The following EP300 variants were observed in gnomAD, a reference collection of about 807,000 sequenced individuals.
EP300 encodes histone acetyltransferase p300.
Under a neutral mutation model 264.0 loss-of-function variants are expected in EP300, and 31 were observed. That is an observed-to-expected ratio of 0.12 (90% CI 0.09 to 0.16). The LOEUF (loss-of-function observed/expected upper bound fraction) is 0.16. Among genes scored for constraint, EP300 ranks in the 10% least tolerant of loss-of-function variants. The probability of loss-of-function intolerance (pLI) is 1.00; values close to 1 mark genes in which losing one functional copy is unlikely to be tolerated. For synonymous variants in EP300, 1,340 were observed against 1,045.4 expected (o/e 1.28, Z -5.44); for missense variants, 2,766 against 3,052.9 (o/e 0.91, Z 2.21).
chr22:41,171,931 A>G (rs1346087285), intron 27 of EP300, among the ~76,000 whole-genome samples: 1 of 152,184 alleles, frequency 6.6e-6, no homozygotes, highest in African/African-American at 2.4e-5. Context: ...ATTCTTAATT[A>G]ACAGTATTAT....
intron 26 of EP300, 149 bp from the exon 27 acceptor site, chr22:41,170,257 A>G (rs1426507335): frequency 5.6e-6 from 4 of 712,034 alleles, no homozygotes; most frequent in African/African-American, 1.8e-5. Flanking sequence ...TGGCCTCACA[A>G]TGTTAATCTC....
chr22:41,127,715 A>G lies in EP300; in HGVS notation c.1135A>G (p.Met379Val). The change falls in exon 4 of 31, where the codon ATG becomes GTG. Residue 379 changes from methionine (M) to valine (V), a missense_variant. By Grantham distance (21) the Met-to-Val change is conservative (BLOSUM62 1). Transcript: ENST00000263253. ...CRTMKNVLNH[M>V]THCQSGKSCQ... is the part of the protein sequence containing the mutation. ...CACAATGAAGAATGTCCTAAACCAC[A>G]TGACACACTGCCAGTCAGGCAAGTC... The G allele has an allele frequency of 6.2e-7, 1 of 1,614,232 alleles. No individual in the cohort carries two copies.
chr22:41,177,275 C>T lies in EP300; in HGVS notation c.5564C>T (p.Pro1855Leu), dbSNP rs201644988. Residue 1855 changes from proline (P) to leucine (L), a missense_variant, in exon 31 of 31, where the codon CCA becomes CTA. Physicochemically the swap from Pro to Leu is moderately conservative, Grantham distance 98. Transcript: ENST00000263253. Reference sequence around the variant, plus strand: ...CTCCCTTCCCCCACTCCTGCCACTCCAACGACACCAACTGGCCAACAGCCA... The same window carrying T: ...CTCCCTTCCCCCACTCCTGCCACTCTAACGACACCAACTGGCCAACAGCCA... ...QGLPSPTPAT[P>L]TTPTGQQPTT... The T allele has an allele frequency of 6.2e-7, 1 of 1,614,100 alleles. No homozygotes were observed.
At chr22:41,158,578 A>G in intron 19 of EP300, 78 bp downstream of exon 19, 2 of 1,117,548 alleles carry the variant, frequency 1.8e-6, no homozygotes, top group Non-Finnish European at 2.7e-6. Context: ...CAGCACACAT[A>G]CAGTCATGGT....
At position 41,178,932 on chromosome 22, in the gene EP300, A is replaced by T. The variant is rs964396023; in HGVS notation, c.7221A>T (p.Ser2407=). Residue 2407 remains serine (S), a synonymous_variant, in exon 31 of 31, where the codon TCA becomes TCT. Transcript: ENST00000263253. ...TDNSDLNSNL[S]QSTLDIH ...ACTCAGACTTGAATTCAAACCTCTC[A>T]CAGAGTACACTAGACATACACTAGA... 6 of 1,613,998 alleles carry T rather than the reference A, an allele frequency of 3.7e-6. No homozygotes were observed. The highest frequency in any genetic ancestry group is 4.2e-6 in the Non-Finnish European group (5 of 1,179,958).
intron 25 of EP300, 106 bp downstream of exon 25, chr22:41,168,973 G>A: frequency 6.6e-7 from 1 of 1,517,550 alleles, no homozygotes; most frequent in South Asian, 1.1e-5. Context: ...GTTTGGTTTG[G>A]AAATGCAAAA....
At position 41,146,801 on chromosome 22, in the gene EP300, A is replaced by G. The variant is rs367905602; in HGVS notation, c.2116A>G (p.Ile706Val). 3.1e-6 allele frequency: 5 copies of G among 1,614,050 alleles called. No homozygotes were observed. The highest frequency in any genetic ancestry group is 4.2e-6 in the Non-Finnish European group (5 of 1,180,016). ...GSVPNQMMPR[I>V]TPQSGLNQFG... ...TGTGCCAAACCAGATGATGCCTCGA[A>G]TAACTCCACAATCTGGTAAATAGTG... Residue 706 changes from isoleucine (I) to valine (V), a missense_variant, in exon 11 of 31, where the codon ATA (isoleucine) becomes GTA (valine). Coordinates refer to ENST00000263253, the MANE Select transcript of EP300 (RefSeq NM_001429.4).
chr22:41,176,739 G>T (rs2059202885), intron 30 of EP300, 34 bp from the exon 31 acceptor site: 8 of 1,613,478 alleles, frequency 5.0e-6, no homozygotes, highest in Non-Finnish European at 8.5e-7. Flanking sequence ...TTAAATCTTG[G>T]AGAGTTTACG....
rs587778256 is a variant in EP300 at position 41,178,336 on chromosome 22, AACCAGTTCCAGC to A, written c.6627_6638del (p.Asn2209_Gln2213delinsLys). On this transcript the variant is annotated inframe_deletion, in exon 31 of 31. Coordinates refer to ENST00000263253, the MANE Select transcript of EP300 (RefSeq NM_001429.4). ...AATAGGCCCTGGAATGGCCAACCAT[AACCAGTTCCAGC>A]AACCCCAAGGAGTTGGCTACCCACC... 3,000 of 1,614,128 alleles carry A rather than the reference AACCAGTTCCAGC, an allele frequency of 1.9e-3. 5 individuals carry two copies. Among genetic ancestry groups the A allele is most frequent in the Non-Finnish European group, 2.2e-3 (2,643 of 1,179,996 alleles).
At chr22:41,129,800 T>C in intron 4 of EP300, 90 bp from the exon 5 acceptor site, 14 of 923,446 alleles carry the variant, frequency 1.5e-5, no homozygotes, top group Non-Finnish European at 2.3e-5. Context: ...TTAATGCATT[T>C]ATGTTACTTA....
chr22:41,154,872 G>T (rs1460040224), intron 16 of EP300, 123 bp from the exon 17 acceptor site: 3 of 722,550 alleles, frequency 4.2e-6, no homozygotes, highest in Non-Finnish European at 7.4e-6. Context: ...TATTTCCATG[G>T]GGACAGAGTG....
Position 41,179,450 on chromosome 22 carries a change from A to G in EP300, c.*494A>G. On this transcript the variant is annotated 3_prime_UTR_variant, in exon 31 of 31. Coordinates refer to ENST00000263253, the MANE Select transcript of EP300 (RefSeq NM_001429.4). ...GTTACTTTAAAATTACATTCTATAT[A>G]TATATAAATATATATAAATATATAT... The G allele has an allele frequency of 6.2e-6, 1 of 162,030 alleles. No individual in the cohort carries two copies. Among genetic ancestry groups the G allele is most frequent in the Non-Finnish European group, 1.3e-5 (1 of 75,850 alleles). 10.0% of individuals were successfully genotyped at this position (162,030 alleles called of 1,614,324 possible).
intron 2 of EP300, among the ~76,000 whole-genome samples, chr22:41,121,754 A>G (rs1165074334): frequency 1.3e-5 from 2 of 152,224 alleles, no homozygotes; most frequent in Non-Finnish European, 2.9e-5. Context: ...AAGACATTAC[A>G]TTTATTAACA....
At chr22:41,171,107 G>C (rs2059168248) in intron 27 of EP300, among the ~76,000 whole-genome samples, 1 of 151,328 alleles carries the variant, frequency 6.6e-6, no homozygotes, top group African/African-American at 2.4e-5. Flanking sequence ...GGTAGATCAA[G>C]AAATCCCTGT....
Position 41,167,925 on chromosome 22 carries a change from G to A in EP300, c.3875-524G>A, listed in dbSNP as rs1486704180. ...CAGCCTCTGCCTCCCGGGTTCAAGCGATTCTCGTGCCTCAGCCTCCCAAGT... is the reference window on the plus strand; with the variant it reads ...CAGCCTCTGCCTCCCGGGTTCAAGCAATTCTCGTGCCTCAGCCTCCCAAGT... On this transcript the variant is annotated intron_variant, in intron 23 of 30. Transcript: ENST00000263253. 7.5e-5 allele frequency among the ~76,000 whole-genome samples: 10 copies of A among 133,746 alleles called. No individual in the cohort carries two copies. In the Admixed American group the frequency reaches 7.8e-4, roughly 10 times the overall value. 87.7% of individuals were successfully genotyped at this position (133,746 alleles called of 152,430 possible).
At chr22:41,167,576 GTGTGTGTGTATA>G (rs1484391194) in intron 23 of EP300, among the ~76,000 whole-genome samples, 22 of 29,486 alleles carry the variant, frequency 7.5e-4, no homozygotes, top group African/African-American at 2.7e-3. Flanking sequence ...GTGTGTGTGT[GTGTGTGTGTATA>G]TATATATATA....
Position 41,176,281 on chromosome 22 carries a change from C to T in EP300, c.4814C>T (p.Ala1605Val), listed in dbSNP as rs2145512284. 1 of 1,614,200 alleles carries T rather than the reference C, an allele frequency of 6.2e-7. No individual in the cohort carries two copies. The stretch of plus-strand genomic sequence containing the variant: ...GTGATCCGCCTCATTGCTGGCCCTG[C>T]TGCCAACTCCCTGCCTCCCATTGTT... ...FFVIRLIAGP[A>V]ANSLPPIVDP... Residue 1605 changes from alanine (A) to valine (V), a missense_variant, in exon 30 of 31, where the codon GCT (alanine) becomes GTT (valine). Physicochemically the swap from Ala to Val is moderately conservative, Grantham distance 64. Coordinates refer to ENST00000263253, the MANE Select transcript of EP300 (RefSeq NM_001429.4).
chr22:41,168,733 T>C lies in EP300; in HGVS notation c.4038T>C (p.Ser1346=), dbSNP rs1908993459. The C allele has an allele frequency of 6.2e-7, 1 of 1,614,040 alleles. No homozygotes were observed. The highest frequency in any genetic ancestry group is 1.3e-5 in the African/African-American group (1 of 74,916). The change falls in exon 25 of 31, where the codon AGT becomes AGC. Residue 1346 remains serine, a synonymous_variant. Transcript: ENST00000263253. The stretch of plus-strand genomic sequence containing the variant: ...CTCAATTGTATAGGTTTGTGGACAG[T>C]GGAGAGATGGCAGAATCCTTTCCAT... ...KPGMKARFVD[S]GEMAESFPYR... is the part of the protein sequence containing the mutation.
At chr22:41,164,924 C>T (rs1055159579) in intron 22 of EP300, among the ~76,000 whole-genome samples, 7 of 152,110 alleles carry the variant, frequency 4.6e-5, no homozygotes, top group Non-Finnish European at 1.0e-4. Flanking sequence ...CCAAAGGAAG[C>T]GGGTATATGG....
Sources: gnomAD v4.1 joint callset for allele counts (sites outside exome capture counted in the v4.1 genomes callset) on GRCh38, gnomAD v4.1.1 for gene constraint, MANE v1.5 for transcripts, NCBI Gene and HGNC (gene_info 2026-07-23, HGNC 2026-07-21) for gene names.